The following DSG3 variants were observed in gnomAD, a reference collection of about 807,000 sequenced individuals.
DSG3 encodes the protein desmoglein 3, also known as desmoglein-3.
In DSG3, 63 loss-of-function variants were observed where a neutral mutation model predicts 85.9. That is an observed-to-expected ratio of 0.73 (90% CI 0.60 to 0.90). The LOEUF is 0.90. Ranked by LOEUF, DSG3 falls within the 40% of genes least tolerant of loss-of-function variation. DSG3 has a pLI of 0.00. For missense variants in DSG3, 1,220 were observed against 1,219.9 expected (o/e 1.00, Z 0.00); for synonymous variants, 447 against 441.9 (o/e 1.01, Z -0.14).
At chr18:31,448,936 G>C (rs944804339) in intron 1 of DSG3, among the ~76,000 whole-genome samples, 5 of 152,050 alleles carry the variant, frequency 3.3e-5, no homozygotes, top group African/African-American at 7.2e-5. Flanking sequence ...ACAAGGTCTG[G>C]CTCTGTTGCC....
rs1385837606 is a variant in DSG3 at position 31,472,761 on chromosome 18, A to C, written c.2074A>C (p.Asn692His). 6.2e-7 allele frequency: 1 copy of C among 1,614,126 alleles called. No individual in the cohort carries two copies. Among genetic ancestry groups the C allele is most frequent in the Admixed American group, 1.7e-5 (1 of 60,030 alleles). The stretch of plus-strand genomic sequence containing the variant: ...TATTTGTGTGCCTCCTGTAACAGCC[A>C]ATGGAGCCGATTTCATGGAAAGTTC... ...TNICVPPVTA[N>H]GADFMESSEV... Residue 692 changes from asparagine to histidine, a missense_variant, in exon 14 of 16, where the codon AAT (asparagine) becomes CAT (histidine). Physicochemically the swap from Asn to His is moderately conservative, Grantham distance 68. Coordinates refer to ENST00000257189, the MANE Select transcript of DSG3 (RefSeq NM_001944.3).
Position 31,457,077 on chromosome 18 carries a change from C to G in DSG3, c.169C>G (p.Pro57Ala), listed in dbSNP as rs764630751. The change falls in exon 3 of 16, where the codon CCC becomes GCC. Residue 57 changes from proline to alanine, a missense_variant. Transcript: ENST00000257189. ...QKREWVKFAK[P>A]CREGEDNSKR... ...ACGTGAATGGGTGAAATTTGCCAAACCCTGCAGAGAAGGAGAAGATAACTC... is the reference window on the plus strand; with the variant it reads ...ACGTGAATGGGTGAAATTTGCCAAAGCCTGCAGAGAAGGAGAAGATAACTC... 1.2e-6 allele frequency: 2 copies of G among 1,612,928 alleles called. No individual in the cohort carries two copies. The highest frequency in any genetic ancestry group is 1.7e-6 in the Non-Finnish European group (2 of 1,179,510).
intron 2 of DSG3, among the ~76,000 whole-genome samples, chr18:31,456,749 G>A (rs1400973139): frequency 6.6e-6 from 1 of 152,056 alleles, no homozygotes; most frequent in South Asian, 2.1e-4. Context: ...ATACTGTGGA[G>A]TATAAAAAGA....
At position 31,459,036 on chromosome 18, in the gene DSG3, A is replaced by T. The variant is rs773716541; in HGVS notation, c.376A>T (p.Thr126Ser). Residue 126 changes from threonine (T) to serine (S), a missense_variant, in exon 5 of 16, where the codon ACA (threonine) becomes TCA (serine). Coordinates refer to ENST00000257189, the MANE Select transcript of DSG3 (RefSeq NM_001944.3). Reference sequence around the variant, plus strand: ...CACATTTTCCCTCTGTTCCTAGATCACATGTCGGGCTCTAAATGCCCAAGG... The same window carrying T: ...CACATTTTCCCTCTGTTCCTAGATCTCATGTCGGGCTCTAAATGCCCAAGG... ...DREETPSFLI[T>S]CRALNAQGLD... The T allele has an allele frequency of 6.2e-6, 10 of 1,613,306 alleles. No individual in the cohort carries two copies. Among genetic ancestry groups the T allele is most frequent in the Non-Finnish European group, 8.5e-6 (10 of 1,179,816 alleles).
intron 1 of DSG3, among the ~76,000 whole-genome samples, chr18:31,452,276 T>C (rs970291195): frequency 5.3e-5 from 8 of 152,126 alleles, no homozygotes; most frequent in Non-Finnish European, 7.4e-5. Flanking sequence ...ATCCCAGCAC[T>C]TTGGGAGGCC....
intron 15 of DSG3, among the ~76,000 whole-genome samples, chr18:31,475,298 G>C (rs753885779): frequency 3.3e-5 from 5 of 152,106 alleles, no homozygotes; most frequent in Non-Finnish European, 7.3e-5. Context: ...GAGTGATATT[G>C]TGTTTGAAGA....
At chr18:31,456,203 G>A (rs116142350) in intron 1 of DSG3, among the ~76,000 whole-genome samples, 1,979 of 152,240 alleles carry the variant, frequency 0.013, 55 homozygotes, top group African/African-American at 0.045. Context: ...TCTTCTTTAT[G>A]TCATCAAAAT....
chr18:31,454,799 AG>A (rs2072732099), intron 1 of DSG3, among the ~76,000 whole-genome samples: 1 of 151,920 alleles, frequency 6.6e-6, no homozygotes, highest in South Asian at 2.1e-4. Flanking sequence ...GTTCGAGACC[AG>A]CCTAACCAAC....
At chr18:31,458,704 G>A (rs2072764901) in intron 4 of DSG3, 104 bp downstream of exon 4, 36 of 1,286,704 alleles carry the variant, frequency 2.8e-5, no homozygotes, top group Non-Finnish European at 3.8e-5. Flanking sequence ...TTCAGTACAT[G>A]CATCAGTCCA....
chr18:31,468,719 G>A (rs545514543), intron 11 of DSG3, among the ~76,000 whole-genome samples: 1 of 152,324 alleles, frequency 6.6e-6, no homozygotes, highest in African/African-American at 2.4e-5. Flanking sequence ...CCCCACTGCA[G>A]TAGTGTTGAG....
At chr18:31,471,123 A>G (rs2072852668) in intron 12 of DSG3, among the ~76,000 whole-genome samples, 1 of 152,194 alleles carries the variant, frequency 6.6e-6, no homozygotes, top group Non-Finnish European at 1.5e-5. Flanking sequence ...AGAGATGATG[A>G]AGGTCAGATT....
chr18:31,450,860 A>G (rs1420742417), intron 1 of DSG3, among the ~76,000 whole-genome samples: 1 of 152,244 alleles, frequency 6.6e-6, no homozygotes, highest in Non-Finnish European at 1.5e-5. Flanking sequence ...TACTATTTTT[A>G]GTAATGGGGT....
At position 31,477,721 on chromosome 18, in the gene DSG3, G is replaced by C. The variant is rs1338176924; in HGVS notation, c.*1461G>C. On this transcript the variant is annotated 3_prime_UTR_variant, in exon 16 of 16. Transcript: ENST00000257189. ...TGCATGCTACCATGATAGTAATGCA[G>C]CTCTTCGAGTCATTTCTGGTCATTC... is the stretch of plus-strand genomic sequence containing the variant. 1 of 152,164 alleles carries C rather than the reference G, an allele frequency of 6.6e-6. No homozygotes were observed. The highest frequency in any genetic ancestry group is 2.4e-5 in the African/African-American group (1 of 41,424). The allele number at this position is 152,164 out of a possible 1,614,324, so 9.4% of individuals were successfully genotyped here. A position where few individuals can be genotyped will look rare whatever the true frequency, so the allele number is the denominator to read the frequency against.
chr18:31,476,426 A>G lies in DSG3; in HGVS notation c.*166A>G, dbSNP rs1005511686. Reference sequence around the variant, plus strand: ...TTAAATGTTTGGGTTCATACCCCAAAAGCAATATGTTGTCACTCCTAATTC... The same window carrying G: ...TTAAATGTTTGGGTTCATACCCCAAGAGCAATATGTTGTCACTCCTAATTC... On this transcript the variant is annotated 3_prime_UTR_variant, in exon 16 of 16. Transcript: ENST00000257189. 2 of 716,530 alleles carry G rather than the reference A, an allele frequency of 2.8e-6. No homozygotes were observed. The highest frequency in any genetic ancestry group is 3.6e-5 in the African/African-American group (2 of 56,232). 44.4% of individuals were successfully genotyped at this position (716,530 alleles called of 1,614,324 possible). A position where few individuals can be genotyped will look rare whatever the true frequency, so the allele number is the denominator to read the frequency against.
At chr18:31,457,585 CTTCTTTCTTTCTTTCT>C (rs11369657) in intron 3 of DSG3, among the ~76,000 whole-genome samples, 795 of 61,086 alleles carry the variant, frequency 0.013, 12 homozygotes, top group African/African-American at 0.042. Flanking sequence ...TTCTTTCTTT[CTTCTTTCTTTCTTTCT>C]TTCTTTCTTT....
Position 31,457,077 on chromosome 18 carries a change from C to A in DSG3, c.169C>A (p.Pro57Thr). The A allele has an allele frequency of 1.2e-6, 2 of 1,612,928 alleles. No individual in the cohort carries two copies. Among genetic ancestry groups the A allele is most frequent in the South Asian group, 1.1e-5 (1 of 90,944 alleles). The change falls in exon 3 of 16, where the codon CCC becomes ACC. Residue 57 changes from proline to threonine, a missense_variant. By Grantham distance (38) the Pro-to-Thr change is conservative. Transcript: ENST00000257189. ...QKREWVKFAK[P>T]CREGEDNSKR... ...ACGTGAATGGGTGAAATTTGCCAAA[C>A]CCTGCAGAGAAGGAGAAGATAACTC...
intron 8 of DSG3, among the ~76,000 whole-genome samples, chr18:31,463,645 AC>A (rs1175863117): frequency 6.6e-6 from 1 of 152,174 alleles, no homozygotes; most frequent in African/African-American, 2.4e-5. Flanking sequence ...TCTGCAAATG[AC>A]CATAACTGCC....
chr18:31,452,946 T>C (rs934572229), intron 1 of DSG3, among the ~76,000 whole-genome samples: 3 of 152,308 alleles, frequency 2.0e-5, no homozygotes, highest in Middle Eastern at 3.4e-3. Flanking sequence ...CTAAATTAAT[T>C]GAATTTACTC....
Position 31,458,525 on chromosome 18 carries a change from C to T in DSG3, c.297C>T (p.Ile99=). The change falls in exon 4 of 16, where the codon ATC becomes ATT. Residue 99 remains isoleucine, a synonymous_variant. Coordinates refer to ENST00000257189, the MANE Select transcript of DSG3 (RefSeq NM_001944.3). ...GAATCGATCAGCCGCCTTTTGGAAT[C>T]TTTGTTGTTGACAAAAACACTGGAG... ...GVGIDQPPFG[I]FVVDKNTGDI... The T allele has an allele frequency of 6.2e-7, 1 of 1,614,084 alleles. No homozygotes were observed. Among genetic ancestry groups the T allele is most frequent in the Non-Finnish European group, 8.5e-7 (1 of 1,179,954 alleles).
Sources: gnomAD v4.1 joint callset for allele counts (sites outside exome capture counted in the v4.1 genomes callset) on GRCh38, gnomAD v4.1.1 for gene constraint, MANE v1.5 for transcripts, NCBI Gene and HGNC (gene_info 2026-07-23, HGNC 2026-07-21) for gene names.